The following ERC2 variants were observed in gnomAD, a reference collection of about 807,000 sequenced individuals.
ERC2 encodes the protein ERC protein 2.
Under a neutral mutation model 114.8 loss-of-function variants are expected in ERC2, and 42 were observed. That is an observed-to-expected ratio of 0.37 (90% confidence interval 0.29 to 0.47). The LOEUF is 0.47. ERC2 is among the 20% of genes least tolerant of loss of function. The pLI is 0.99. For synonymous variants in ERC2, 454 were observed against 425.5 expected (o/e 1.07, Z -0.82); for missense variants, 939 against 1,150.7 (o/e 0.82, Z 2.66).
At chr3:56,103,293 A>G (rs576358153) in intron 6 of ERC2, among the ~76,000 whole-genome samples, 153 of 152,274 alleles carry the variant, frequency 1.0e-3, no homozygotes, top group African/African-American at 3.5e-3. Context: ...TGGAGAGATG[A>G]TACAGATGAA....
At chr3:56,024,759 C>T (rs1342370792) in intron 7 of ERC2, among the ~76,000 whole-genome samples, 2 of 152,206 alleles carry the variant, frequency 1.3e-5, no homozygotes, top group African/African-American at 2.4e-5. Flanking sequence ...GCTCTTGAGC[C>T]AGCAAACTCC....
At chr3:56,452,291 A>C (rs1467188071) in intron 1 of ERC2, among the ~76,000 whole-genome samples, 1 of 152,178 alleles carries the variant, frequency 6.6e-6, no homozygotes, top group Non-Finnish European at 1.5e-5. Context: ...CCTCAGAAAG[A>C]ATGAAAGTTT....
At chr3:55,680,819 G>A (rs2062021761) in intron 17 of ERC2, among the ~76,000 whole-genome samples, 2 of 152,194 alleles carry the variant, frequency 1.3e-5, no homozygotes, top group Admixed American at 6.5e-5. Flanking sequence ...ATCCAACAGG[G>A]AGGGGGAGTA....
intron 3 of ERC2, among the ~76,000 whole-genome samples, chr3:56,178,458 G>C (rs1285260366): frequency 1.3e-5 from 2 of 152,112 alleles, no homozygotes; most frequent in Non-Finnish European, 2.9e-5. Context: ...ACCTAACCTT[G>C]AAAGTCCTAT....
chr3:56,130,587 C>T (rs2080145258), intron 6 of ERC2, among the ~76,000 whole-genome samples: 1 of 152,196 alleles, frequency 6.6e-6, no homozygotes, highest in African/African-American at 2.4e-5. Flanking sequence ...AACAAAAGTA[C>T]TAGACTCTTG....
chr3:56,175,361 T>G (rs1354159496), intron 3 of ERC2, among the ~76,000 whole-genome samples: 1 of 152,106 alleles, frequency 6.6e-6, no homozygotes, highest in Admixed American at 6.5e-5. Flanking sequence ...CCCTAACATA[T>G]CCCTGGGAAG....
chr3:56,008,981 G>GT (rs1014372383), intron 9 of ERC2, among the ~76,000 whole-genome samples: 14 of 152,120 alleles, frequency 9.2e-5, no homozygotes, highest in African/African-American at 3.4e-4. Context: ...ACGTGGTTCT[G>GT]TTTTTCTTGC....
At position 55,722,847 on chromosome 3, in the gene ERC2, T is replaced by G. The variant is rs561973374; in HGVS notation, c.2712+11924A>C. 2.6e-5 allele frequency among the ~76,000 whole-genome samples: 4 copies of G among 152,302 alleles called. No individual in the cohort carries two copies. In the East Asian group the frequency reaches 7.7e-4, roughly 29 times the overall value. ...GTTTTCAGAATGTAGCCTGAAAAAT[T>G]TAACACGAACAGTTGACATTTATTT... On this transcript the variant is annotated intron_variant, in intron 15 of 17. Coordinates refer to ENST00000288221, the MANE Select transcript of ERC2 (RefSeq NM_015576.3).
At chr3:56,337,939 T>G (rs984406036) in intron 2 of ERC2, among the ~76,000 whole-genome samples, 1 of 152,230 alleles carries the variant, frequency 6.6e-6, no homozygotes, top group South Asian at 2.1e-4. Flanking sequence ...AAAAAATTAA[T>G]AGATCATGGC....
chr3:55,541,291 G>C (rs1257358885), intron 17 of ERC2, among the ~76,000 whole-genome samples: 1 of 152,048 alleles, frequency 6.6e-6, no homozygotes, highest in Non-Finnish European at 1.5e-5. Context: ...AAATTAAGAT[G>C]ACAAACAACT....
chr3:55,609,926 A>C (rs1488778121), intron 17 of ERC2, among the ~76,000 whole-genome samples: 1 of 151,824 alleles, frequency 6.6e-6, no homozygotes, highest in Non-Finnish European at 1.5e-5. Context: ...GCTCGCTGGT[A>C]CTCTGGTGCT....
chr3:56,059,980 C>T (rs2076180421), intron 7 of ERC2, among the ~76,000 whole-genome samples: 1 of 152,232 alleles, frequency 6.6e-6, no homozygotes, highest in Admixed American at 6.5e-5. Context: ...ACAAATGTGT[C>T]TGTTCTCTGA....
At chr3:55,539,415 C>CTTGTTTTTTTTTTTTTT (rs2054227734) in intron 17 of ERC2, among the ~76,000 whole-genome samples, 1 of 39,090 alleles carries the variant, frequency 2.6e-5, no homozygotes, top group Non-Finnish European at 4.6e-5. Context: ...TTTTTTCTTT[C>CTTGTTTTTTTTTTTTTT]TTTTTTTTTT....
chr3:56,025,759 A>C (rs985141791), intron 7 of ERC2, among the ~76,000 whole-genome samples: 2 of 152,206 alleles, frequency 1.3e-5, no homozygotes, highest in Non-Finnish European at 2.9e-5. Context: ...TCCCTTTTGC[A>C]TAAAATGTAA....
chr3:55,540,112 G>C (rs148219858), intron 17 of ERC2, among the ~76,000 whole-genome samples: 1 of 152,102 alleles, frequency 6.6e-6, no homozygotes, highest in Non-Finnish European at 1.5e-5. Context: ...ATCCTGGATC[G>C]CTGCATTTCC....
At position 55,920,415 on chromosome 3, in the gene ERC2, A is replaced by AAC. The variant is rs10560997; in HGVS notation, c.2403+30008_2403+30009dup. On this transcript the variant is annotated intron_variant, in intron 13 of 17. Transcript: ENST00000288221. ...TTACACATACACACAGGCACACTAA[A>AAC]ACACACACACACACACACACACACA... is the stretch of plus-strand genomic sequence containing the variant. Among the ~76,000 whole-genome samples, 981 of 146,792 alleles carry AAC rather than the reference A, an allele frequency of 6.7e-3. 7 individuals carry two copies. Among genetic ancestry groups the AAC allele is most frequent in the African/African-American group, 0.019 (765 of 39,714 alleles).
At chr3:56,251,313 G>T (rs2052137517) in intron 3 of ERC2, among the ~76,000 whole-genome samples, 1 of 152,078 alleles carries the variant, frequency 6.6e-6, no homozygotes, top group African/African-American at 2.4e-5. Context: ...GAGTTTAAAA[G>T]AAAAAAAGCT....
intron 7 of ERC2, among the ~76,000 whole-genome samples, chr3:56,038,629 C>T (rs1318517751): frequency 1.3e-5 from 2 of 152,134 alleles, no homozygotes; most frequent in Non-Finnish European, 2.9e-5. Flanking sequence ...AATATATACG[C>T]ATGTGTATGT....
chr3:56,211,041 T>A (rs901315571), intron 3 of ERC2, among the ~76,000 whole-genome samples: 1 of 152,156 alleles, frequency 6.6e-6, no homozygotes, highest in African/African-American at 2.4e-5. Context: ...AGCTAAACCC[T>A]ATTCCATAAA....
Sources: gnomAD v4.1 joint callset for allele counts (sites outside exome capture counted in the v4.1 genomes callset) on GRCh38, gnomAD v4.1.1 for gene constraint, MANE v1.5 for transcripts, NCBI Gene and HGNC (gene_info 2026-07-23, HGNC 2026-07-21) for gene names.